Variants in ARHGEF28 observed in about 807,000 individuals in gnomAD.
The protein encoded by ARHGEF28 is 190 kDa guanine nucleotide exchange factor.
Under a neutral mutation model 206.6 loss-of-function variants are expected in ARHGEF28, and 152 were observed. The observed-to-expected ratio is 0.74, with a 90% CI of 0.64 to 0.84. ARHGEF28 has a LOEUF of 0.84. Ranked by LOEUF, ARHGEF28 falls within the 40% of genes least tolerant of loss-of-function variation. ARHGEF28 has a pLI of 0.00. For synonymous variants in ARHGEF28, 763 were observed against 776.4 expected (o/e 0.98, Z 0.29); for missense variants, 2,028 against 2,073.2 (o/e 0.98, Z 0.42).
At chr5:73,853,135 A>G (rs1265164682) in intron 14 of ARHGEF28, among the ~76,000 whole-genome samples, 5 of 152,266 alleles carry the variant, frequency 3.3e-5, no homozygotes, top group African/African-American at 9.6e-5. Flanking sequence ...GAAACAAAGA[A>G]TAAACAATGC....
intron 21 of ARHGEF28, among the ~76,000 whole-genome samples, chr5:73,871,965 A>G (rs1377758216): frequency 6.6e-6 from 1 of 152,064 alleles, no homozygotes; most frequent in African/African-American, 2.4e-5. Context: ...TGAATATCCT[A>G]TTTTGTTTTC....
chr5:73,732,229 C>T (rs139611676), intron 2 of ARHGEF28, among the ~76,000 whole-genome samples: 24 of 152,264 alleles, frequency 1.6e-4, no homozygotes, highest in Non-Finnish European at 3.5e-4. Flanking sequence ...ATCCCTCCCC[C>T]ACCTACCAAC....
intron 2 of ARHGEF28, among the ~76,000 whole-genome samples, chr5:73,732,372 G>T (rs139354103): frequency 0.019 from 2,830 of 151,792 alleles, 118 homozygotes; most frequent in African/African-American, 0.064. Context: ...TGCATTTAAG[G>T]TTCCTTCATG....
At chr5:73,882,422 T>C (rs1200588060) in intron 22 of ARHGEF28, 50 bp from the exon 23 acceptor site, 1 of 1,288,108 alleles carries the variant, frequency 7.8e-7, no homozygotes, top group Non-Finnish European at 1.0e-6. Context: ...TTTTTGTGTG[T>C]TTAGAACTTA....
At chr5:73,858,797 C>T (rs1462526701) in intron 16 of ARHGEF28, among the ~76,000 whole-genome samples, 1 of 152,138 alleles carries the variant, frequency 6.6e-6, no homozygotes, top group Non-Finnish European at 1.5e-5. Flanking sequence ...TATATCACTG[C>T]GTTCAAAAAA....
At chr5:73,646,257 T>C (rs1744416596) in intron 1 of ARHGEF28, among the ~76,000 whole-genome samples, 1 of 152,216 alleles carries the variant, frequency 6.6e-6, no homozygotes, top group Non-Finnish European at 1.5e-5. Flanking sequence ...ACCCTGATTA[T>C]ATAGTGTCTG....
chr5:73,743,976 T>C (rs1751580980), intron 2 of ARHGEF28, among the ~76,000 whole-genome samples: 1 of 152,160 alleles, frequency 6.6e-6, no homozygotes. Context: ...TGTAGATTTA[T>C]TTCTGGCTCT....
At chr5:73,926,350 C>T (rs1027802204) in intron 35 of ARHGEF28, among the ~76,000 whole-genome samples, 2 of 152,158 alleles carry the variant, frequency 1.3e-5, no homozygotes, top group Non-Finnish European at 2.9e-5. Context: ...TTCAGGGTGG[C>T]AGCATGTGCA....
intron 9 of ARHGEF28, among the ~76,000 whole-genome samples, chr5:73,796,431 G>A (rs1019207686): frequency 1.3e-5 from 2 of 152,252 alleles, no homozygotes; most frequent in Non-Finnish European, 2.9e-5. Flanking sequence ...TGAGATTAAT[G>A]GAGAAGGTGG....
At chr5:73,746,752 T>C (rs969052412) in intron 2 of ARHGEF28, among the ~76,000 whole-genome samples, 1 of 152,138 alleles carries the variant, frequency 6.6e-6, no homozygotes, top group Admixed American at 6.5e-5. Context: ...AAATGCCACC[T>C]ATTATAACAT....
chr5:73,909,688 C>T lies in ARHGEF28; in HGVS notation c.4438C>T (p.Gln1480Ter). The T allele has an allele frequency of 1.3e-6, 2 of 1,536,780 alleles. No homozygotes were observed. The highest frequency in any genetic ancestry group is 1.8e-6 in the Non-Finnish European group (2 of 1,140,362). ...GCTGCAGGAGCGGGAGCGGGAGTGC[C>T]AGTCGCAGGAGGAGCTGCTGCTGCG... The part of the protein sequence containing the change: ...SWLQEREREC[Q>*]SQEELLLRSR... The change falls in exon 34 of 36, where the codon CAG (glutamine) becomes TAG (stop). Residue 1480 changes from glutamine (Q) to a stop codon, truncating the protein, a stop_gained. Transcript: ENST00000513042. LOFTEE classifies it high-confidence loss of function.
intron 4 of ARHGEF28, among the ~76,000 whole-genome samples, chr5:73,760,304 GT>G (rs11303508): frequency 0.34 from 50,381 of 146,908 alleles, 9,211 homozygotes; most frequent in African/African-American, 0.5. Flanking sequence ...AGTTTCCAGT[GT>G]TTTTTTTTTT....
intron 9 of ARHGEF28, among the ~76,000 whole-genome samples, chr5:73,811,922 G>A (rs1355804111): frequency 6.7e-6 from 1 of 148,310 alleles, no homozygotes; most frequent in Non-Finnish European, 1.5e-5. Context: ...GGCAGAGGTT[G>A]CAATGAGCCG....
chr5:73,825,349 GC>G (rs1400215639), intron 9 of ARHGEF28, among the ~76,000 whole-genome samples: 1 of 152,216 alleles, frequency 6.6e-6, no homozygotes, highest in Non-Finnish European at 1.5e-5. Flanking sequence ...CAGGGGAAGA[GC>G]CCTGCTGGAA....
In ARHGEF28 at chr5:73,909,612, G is replaced by T; in HGVS notation, c.4362G>T (p.Trp1454Cys). 6.4e-7 allele frequency: 1 copy of T among 1,552,912 alleles called. No individual in the cohort carries two copies. The change falls in exon 34 of 36, where the codon TGG (tryptophan) becomes TGT (cysteine). Residue 1454 changes from tryptophan to cysteine, a missense_variant. By Grantham distance (215) the Trp-to-Cys change is radical. Around this residue, in one of 3 missense-constraint regions of ARHGEF28, gnomAD observed 803 missense variants for 768.0 expected, o/e 1.05. Transcript: ENST00000513042. Reference sequence around the variant, plus strand: ...AGCTCCAGCAGGAGCAGCGGCGCTGGCTGCGCAGGTGTGAGCAGCAGCAGC... The same window carrying T: ...AGCTCCAGCAGGAGCAGCGGCGCTGTCTGCGCAGGTGTGAGCAGCAGCAGC... ...QHQLQQEQRR[W>C]LRRCEQQQRA... is the part of the protein sequence containing the mutation.
At chr5:73,872,774 A>G (rs1182388424) in intron 21 of ARHGEF28, among the ~76,000 whole-genome samples, 1 of 152,204 alleles carries the variant, frequency 6.6e-6, no homozygotes, top group Non-Finnish European at 1.5e-5. Flanking sequence ...TGTATATTGG[A>G]CTTGACATAT....
At chr5:73,748,312 A>C (rs2112392671) in intron 2 of ARHGEF28, among the ~76,000 whole-genome samples, 1 of 151,942 alleles carries the variant, frequency 6.6e-6, no homozygotes, top group East Asian at 1.9e-4. Flanking sequence ...GCTCATATGC[A>C]GAAAAAGGGC....
chr5:73,649,134 C>A (rs1340568755), intron 1 of ARHGEF28, among the ~76,000 whole-genome samples: 3 of 152,208 alleles, frequency 2.0e-5, no homozygotes, highest in Admixed American at 2.0e-4. Context: ...GATTAAGTAG[C>A]TTGCCTAGAG....
At chr5:73,776,772 C>G in intron 6 of ARHGEF28, 76 bp downstream of exon 6, 3 of 1,396,412 alleles carry the variant, frequency 2.1e-6, no homozygotes, top group Non-Finnish European at 2.9e-6. Context: ...ATTATGAGAA[C>G]AGTGTTTTTT....
Sources: gnomAD v4.1 joint callset for allele counts (sites outside exome capture counted in the v4.1 genomes callset) on GRCh38, gnomAD v4.1.1 for gene constraint, gnomAD v4.1.1 regional missense constraint, MANE v1.5 for transcripts, NCBI Gene and HGNC (gene_info 2026-07-23, HGNC 2026-07-21) for gene names.